KIR2DL4: variants seen among roughly 807,000 people sequenced by gnomAD.
KIR2DL4 encodes the protein killer cell immunoglobulin like receptor, two Ig domains and long cytoplasmic tail 4, also known as killer cell immunoglobulin-like receptor 2DL4.
A neutral mutation model predicts 31.0 loss-of-function variants in KIR2DL4; 41 were observed. The ratio of observed to expected loss-of-function variants is 1.32; its 90% CI spans 1.03 to 1.72. KIR2DL4 has a LOEUF of 1.72. Ranked by LOEUF, KIR2DL4 falls within the 40% of genes most tolerant of loss-of-function variation. KIR2DL4 has a pLI of 0.00. For missense variants in KIR2DL4, 438 were observed against 353.7 expected, an observed-to-expected ratio of 1.24 and a Z score of -1.91; for synonymous variants, 164 against 133.6, an observed-to-expected ratio of 1.23 and a Z score of -1.57.
exon 8 of KIR2DL4, chr19:54,814,231 C>T: frequency 8.6e-7 from 1 of 1,157,014 alleles, no homozygotes; most frequent in Non-Finnish European, 1.2e-6. Flanking sequence ...CACTCCTTTG[C>T]TTAGCCCACA....
chr19:54,808,440 C>A (rs2147927809), intron 4 of KIR2DL4, among the ~76,000 whole-genome samples: 1 of 151,124 alleles, frequency 6.6e-6, no homozygotes, highest in South Asian at 2.1e-4. Context: ...TTCCCTGCAC[C>A]ATTTATTGAA....
intron 6 of KIR2DL4, 94 bp from the exon 6 acceptor site, chr19:54,813,596 A>T (rs2061008962): frequency 3.1e-6 from 4 of 1,309,728 alleles, no homozygotes; most frequent in Non-Finnish European, 4.4e-6. Context: ...GACCTCAGGC[A>T]CCTATGGCCT....
intron 6 of KIR2DL4, 107 bp from the exon 6 acceptor site, chr19:54,813,583 A>T: frequency 8.7e-7 from 1 of 1,147,666 alleles, no homozygotes; most frequent in Non-Finnish European, 1.3e-6. Flanking sequence ...TTGGCAGCTG[A>T]GGGACCTCAG....
chr19:54,808,047 A>T (rs1426050118), intron 4 of KIR2DL4, among the ~76,000 whole-genome samples: 1 of 151,122 alleles, frequency 6.6e-6, no homozygotes, highest in Non-Finnish European at 1.5e-5. Context: ...TAATTAAATT[A>T]TTAGTTTTAT....
chr19:54,810,218 A>C (rs1445133312), intron 5 of KIR2DL4, among the ~76,000 whole-genome samples: 2 of 150,462 alleles, frequency 1.3e-5, no homozygotes, highest in Non-Finnish European at 3.0e-5. Flanking sequence ...TCCCAGGTTA[A>C]AGCGATTCTC....
rs2061073900 is a variant in KIR2DL4, at chr19:54,814,205, T to C, written c.*405T>C. ...ACCAATGTCTAAGGTCCCCACTGCC[T>C]GCTGCAGAGAAAACACACTCCTTTG... On this transcript the variant is annotated 3_prime_UTR_variant, in exon 8 of 8. Coordinates refer to ENST00000359085, the Ensembl canonical transcript of KIR2DL4. 4 of 1,397,108 alleles carry C rather than the reference T, an allele frequency of 2.9e-6. 1 individual carries two copies. The South Asian group carries it at 3.6e-5, about 13-fold the overall frequency. 86.5% of individuals were successfully genotyped at this position (1,397,108 alleles called of 1,614,324 possible).
chr19:54,803,730 T>C lies in KIR2DL4; in HGVS notation c.40+39T>C, dbSNP rs372376615. The C allele has an allele frequency of 2.1e-4, 333 of 1,601,944 alleles. 19 individuals carry two copies. The African/African-American group carries it at 4.2e-3, about 20-fold the overall frequency. On this transcript the variant is annotated intron_variant, in intron 1 of 7. Coordinates refer to ENST00000359085, the Ensembl canonical transcript of KIR2DL4. ...GGGAAGGAGCACCAGGGTTACACTA[T>C]GGGCCTGCAGATTGGGTGTCTCCCC... is the stretch of plus-strand genomic sequence containing the variant.
exon 6 of KIR2DL4, chr19:54,813,202 C>A: frequency 6.5e-7 from 1 of 1,530,686 alleles, no homozygotes; most frequent in South Asian, 1.2e-5. Context: ...CTTCTTTCTC[C>A]TTCATCGCTG....
chr19:54,805,006 G>C, exon 3 of KIR2DL4: 4 of 1,611,766 alleles, frequency 2.5e-6, no homozygotes, highest in Admixed American at 3.3e-5. Flanking sequence ...ACCTACAGAT[G>C]TCGAGGTTTT....
chr19:54,808,568 T>C (rs1397433582), intron 4 of KIR2DL4, among the ~76,000 whole-genome samples: 1 of 150,218 alleles, frequency 6.7e-6, no homozygotes, highest in African/African-American at 2.5e-5. Context: ...TGCTTTTCTT[T>C]ATGCCAATGT....
At chr19:54,803,830 C>A in intron 1 of KIR2DL4, 61 bp from the exon 2 acceptor site, 1 of 1,573,972 alleles carries the variant, frequency 6.4e-7, no homozygotes, top group Non-Finnish European at 8.7e-7. Flanking sequence ...CGCCCAGTGG[C>A]TCAGGAGGAA....
rs2060431424 is a variant in KIR2DL4 at position 54,805,091 on chromosome 19, T to C, written c.361+14T>C. ...TCATGGTCACAGGTCAGAGGGCTCC[T>C]GTCTGGGCTTCTCCTTGTCCCACCT... On this transcript the variant is annotated intron_variant, in intron 3 of 7. Transcript: ENST00000359085. The C allele has an allele frequency of 6.3e-7, 1 of 1,581,092 alleles. No individual in the cohort carries two copies. Among genetic ancestry groups the C allele is most frequent in the Non-Finnish European group, 8.6e-7 (1 of 1,167,418 alleles).
chr19:54,804,198 C>A (rs778312810), intron 2 of KIR2DL4, among the ~76,000 whole-genome samples: 5 of 150,592 alleles, frequency 3.3e-5, no homozygotes, highest in Non-Finnish European at 7.4e-5. Context: ...CTTTCTTCCC[C>A]ATGGCTGAGT....
intron 3 of KIR2DL4, 95 bp from the exon 4 acceptor site, chr19:54,805,856 G>A (rs1042161828): frequency 1.8e-6 from 2 of 1,117,850 alleles, no homozygotes; most frequent in Non-Finnish European, 2.6e-6. Flanking sequence ...GAGAGCACTA[G>A]GCCATAGAGC....
chr19:54,810,058 G>A (rs16986024), intron 5 of KIR2DL4, among the ~76,000 whole-genome samples: 49,426 of 147,652 alleles, frequency 0.33, 9,636 homozygotes, highest in African/African-American at 0.5. Context: ...GAAAATGAAT[G>A]CACCAGTGGA....
At chr19:54,804,759 C>A in intron 2 of KIR2DL4, 34 bp from the exon 3 acceptor site, 1 of 1,600,622 alleles carries the variant, frequency 6.2e-7, no homozygotes, top group East Asian at 2.2e-5. Flanking sequence ...GCTCAACATA[C>A]TCCTCTCTGA....
At chr19:54,805,098 G>T (rs919803521) in intron 3 of KIR2DL4, 21 bp downstream of exon 3, 2 of 1,572,852 alleles carry the variant, frequency 1.3e-6, no homozygotes, top group Non-Finnish European at 8.6e-7. Context: ...TCCTGTCTGG[G>T]CTTCTCCTTG....
chr19:54,808,908 C>A (rs2060689024), intron 5 of KIR2DL4, 25 bp downstream of exon 5: 3 of 1,588,474 alleles, frequency 1.9e-6, no homozygotes, highest in Non-Finnish European at 8.6e-7. Context: ...CCTCTTATCT[C>A]TGCTTTTGGA....
At chr19:54,803,795 T>G in intron 1 of KIR2DL4, 96 bp from the exon 2 acceptor site, 1 of 1,563,264 alleles carries the variant, frequency 6.4e-7, no homozygotes, top group Non-Finnish European at 8.8e-7. Flanking sequence ...GTGGTGAGGA[T>G]GAGTTAATTT....
Sources: gnomAD v4.1 joint callset for allele counts (sites outside exome capture counted in the v4.1 genomes callset) on GRCh38, gnomAD v4.1.1 for gene constraint, MANE v1.5 for transcripts, NCBI Gene and HGNC (gene_info 2026-07-23, HGNC 2026-07-21) for gene names.